Variants in PAX5 observed in about 807,000 individuals in gnomAD.
PAX5 encodes the protein paired box protein Pax-5.
PAX5 carries 9 observed loss-of-function variants against 43.7 expected under a neutral mutation model. The ratio of observed to expected loss-of-function variants is 0.21; its 90% CI spans 0.12 to 0.36. PAX5 has a LOEUF of 0.36. Ranked by LOEUF, PAX5 falls within the 10% of genes least tolerant of loss-of-function variation. The pLI is 1.00. For missense variants in PAX5, 383 were observed against 532.7 expected, an observed-to-expected ratio of 0.72 and a Z score of 2.77; for synonymous variants, 228 against 214.3, an observed-to-expected ratio of 1.06 and a Z score of -0.56.
At chr9:36,859,752 G>T (rs1824016988) in intron 8 of PAX5, among the ~76,000 whole-genome samples, 3 of 152,274 alleles carry the variant, frequency 2.0e-5, no homozygotes, top group Admixed American at 2.0e-4. Context: ...GAATCATCTG[G>T]GGCTGGGTGT....
chr9:37,002,550 G>A (rs7021250), intron 5 of PAX5, 98 bp downstream of exon 5: 1 of 1,316,488 alleles, frequency 7.6e-7, no homozygotes, highest in African/African-American at 1.5e-5. Flanking sequence ...GCAGGTAAGG[G>A]GGGTGTTCGC....
At chr9:36,846,577 C>T (rs889778140) in intron 9 of PAX5, among the ~76,000 whole-genome samples, 2 of 152,214 alleles carry the variant, frequency 1.3e-5, no homozygotes, top group African/African-American at 4.8e-5. Context: ...TCCTTCAATG[C>T]CCCTTTTTTC....
At chr9:37,002,579 C>T (rs932057818) in intron 5 of PAX5, 69 bp downstream of exon 5, 37 of 1,546,658 alleles carry the variant, frequency 2.4e-5, no homozygotes, top group Non-Finnish European at 3.2e-5. Flanking sequence ...CTGCTGCCAC[C>T]CGCGACCGAG....
At chr9:36,927,605 G>GAAAGC (rs1830747914) in intron 6 of PAX5, among the ~76,000 whole-genome samples, 1 of 152,150 alleles carries the variant, frequency 6.6e-6, no homozygotes, top group South Asian at 2.1e-4. Flanking sequence ...CTGGCTCCCA[G>GAAAGC]AAAGCAAAGC....
At chr9:36,846,309 TG>T (rs1822570816) in intron 9 of PAX5, among the ~76,000 whole-genome samples, 1 of 152,170 alleles carries the variant, frequency 6.6e-6, no homozygotes, top group Non-Finnish European at 1.5e-5. Flanking sequence ...GAGCCCTAAA[TG>T]GCATGCTTTG....
chr9:36,949,043 T>C (rs970918845), intron 6 of PAX5, among the ~76,000 whole-genome samples: 1 of 152,146 alleles, frequency 6.6e-6, no homozygotes, highest in Admixed American at 6.5e-5. Context: ...ACACAAGTAT[T>C]GCTGTTTTTT....
intron 3 of PAX5, among the ~76,000 whole-genome samples, chr9:37,010,703 T>C (rs1170831592): frequency 6.6e-6 from 1 of 152,012 alleles, no homozygotes; most frequent in Non-Finnish European, 1.5e-5. Flanking sequence ...AAGATAAGGC[T>C]GAAGAAACAC....
chr9:36,989,206 G>C lies in PAX5; in HGVS notation c.604+13442C>G, dbSNP rs546501163. 2.0e-5 allele frequency among the ~76,000 whole-genome samples: 3 copies of C among 152,326 alleles called. No homozygotes were observed. In the South Asian group the frequency reaches 6.2e-4, roughly 32 times the overall value. ...GCCAGACAGGATAATGGGGGAACAG[G>C]CAGAACTGCGAAAAAGTAGAATCAA... On this transcript the variant is annotated intron_variant, in intron 5 of 9. Transcript: ENST00000358127.
intron 4 of PAX5, among the ~76,000 whole-genome samples, chr9:37,003,396 AT>A (rs1459122586): frequency 7.9e-5 from 12 of 152,016 alleles, no homozygotes; most frequent in Non-Finnish European, 1.2e-4. Flanking sequence ...AATAACTAAC[AT>A]TTTCTGAGAA....
intron 7 of PAX5, among the ~76,000 whole-genome samples, chr9:36,914,114 G>A (rs1829539899): frequency 1.3e-5 from 2 of 152,216 alleles, no homozygotes; most frequent in African/African-American, 2.4e-5. Flanking sequence ...GCCCTGCAGT[G>A]CAAGAATCCC....
At chr9:36,847,136 T>C (rs1381682630) in intron 8 of PAX5, among the ~76,000 whole-genome samples, 1 of 152,180 alleles carries the variant, frequency 6.6e-6, no homozygotes, top group Non-Finnish European at 1.5e-5. Context: ...CCCCTCCTTA[T>C]CAGTGGGAGT....
chr9:36,852,848 G>T (rs2131614294), intron 8 of PAX5, among the ~76,000 whole-genome samples: 1 of 152,322 alleles, frequency 6.6e-6, no homozygotes. Flanking sequence ...AGCCAGTCAG[G>T]AACAGAGCAG....
chr9:36,936,324 C>T (rs1378984022), intron 6 of PAX5, among the ~76,000 whole-genome samples: 1 of 152,204 alleles, frequency 6.6e-6, no homozygotes, highest in Non-Finnish European at 1.5e-5. Flanking sequence ...GCACCTGCTA[C>T]AGCTCTGCCT....
chr9:36,896,446 A>G (rs1827875341), intron 7 of PAX5, among the ~76,000 whole-genome samples: 1 of 152,006 alleles, frequency 6.6e-6, no homozygotes, highest in Non-Finnish European at 1.5e-5. Context: ...CTGCTCGCCA[A>G]GGAAAACCAA....
intron 9 of PAX5, among the ~76,000 whole-genome samples, chr9:36,844,599 C>T (rs746478076): frequency 4.6e-5 from 7 of 152,180 alleles, no homozygotes; most frequent in Non-Finnish European, 1.0e-4. Flanking sequence ...TGAGCACTTC[C>T]CAGCCAGACA....
At chr9:36,969,150 A>G (rs1282080362) in intron 5 of PAX5, among the ~76,000 whole-genome samples, 4 of 151,732 alleles carry the variant, frequency 2.6e-5, no homozygotes, top group Non-Finnish European at 2.9e-5. Flanking sequence ...TGACCCTGCC[A>G]GCCGGGCCCA....
chr9:36,986,245 C>A (rs1341022027), intron 5 of PAX5, among the ~76,000 whole-genome samples: 1 of 150,708 alleles, frequency 6.6e-6, no homozygotes, highest in African/African-American at 2.4e-5. Flanking sequence ...TCATTCATTA[C>A]GGGCCTCTCC....
At chr9:36,844,613 C>A (rs765280354) in intron 9 of PAX5, among the ~76,000 whole-genome samples, 1 of 152,216 alleles carries the variant, frequency 6.6e-6, no homozygotes, top group Non-Finnish European at 1.5e-5. Context: ...CCAGACACCC[C>A]TGCCTGAGGC....
At chr9:37,027,184 A>C (rs533200420) in intron 1 of PAX5, among the ~76,000 whole-genome samples, 1 of 152,252 alleles carries the variant, frequency 6.6e-6, no homozygotes, top group Admixed American at 6.5e-5. Context: ...CGAAGTTGCA[A>C]AGAACTTCCT....
Sources: gnomAD v4.1 joint callset for allele counts (sites outside exome capture counted in the v4.1 genomes callset) on GRCh38, gnomAD v4.1.1 for gene constraint, MANE v1.5 for transcripts, NCBI Gene and HGNC (gene_info 2026-07-23, HGNC 2026-07-21) for gene names.